The following CSMD1 variants were observed in gnomAD, a reference collection of about 807,000 sequenced individuals.
CSMD1 encodes the protein CUB and sushi domain-containing protein 1.
In CSMD1, 213 loss-of-function variants were observed where a neutral mutation model predicts 417.5. The observed-to-expected ratio is 0.51, with a 90% CI of 0.46 to 0.57. CSMD1 has a LOEUF of 0.57. CSMD1 is among the 20% of genes least tolerant of loss of function. The pLI is 0.00. For missense variants in CSMD1, 6,923 were observed against 4,529.7 expected (o/e 1.53, Z -15.17); for synonymous variants, 2,862 against 1,736.8 (o/e 1.65, Z -16.11).
chr8:4,082,998 T>A (rs1800222180), intron 3 of CSMD1, among the ~76,000 whole-genome samples: 1 of 152,136 alleles, frequency 6.6e-6, no homozygotes. Context: ...CCACATTTTC[T>A]TAATCCAGTC....
At chr8:4,167,083 T>G (rs1260593490) in intron 3 of CSMD1, among the ~76,000 whole-genome samples, 1 of 152,106 alleles carries the variant, frequency 6.6e-6, no homozygotes, top group Admixed American at 6.6e-5. Context: ...TTAGAATATC[T>G]GTAGATAAAT....
At chr8:4,306,897 G>C (rs11136724) in intron 3 of CSMD1, among the ~76,000 whole-genome samples, 2 of 151,776 alleles carry the variant, frequency 1.3e-5, no homozygotes, top group African/African-American at 4.8e-5. Flanking sequence ...CTTTCCTTAC[G>C]CTAAAAATAT....
intron 25 of CSMD1, among the ~76,000 whole-genome samples, chr8:3,289,121 C>A (rs950988456): frequency 2.0e-5 from 3 of 147,342 alleles, no homozygotes; most frequent in African/African-American, 8.1e-5. Context: ...ATGATGGTTT[C>A]CAGCTTCATC....
chr8:4,036,587 T>G (rs572609016), intron 3 of CSMD1, among the ~76,000 whole-genome samples: 1 of 152,312 alleles, frequency 6.6e-6, no homozygotes, highest in African/African-American at 2.4e-5. Flanking sequence ...AAAGGTATTT[T>G]TAATAGGGAA....
chr8:4,761,867 C>CTATCTATA (rs1563318944), intron 1 of CSMD1, among the ~76,000 whole-genome samples: 1 of 87,772 alleles, frequency 1.1e-5, no homozygotes, highest in African/African-American at 4.1e-5. Context: ...ATCTATCTAT[C>CTATCTATA]TATCTATCTA....
intron 3 of CSMD1, among the ~76,000 whole-genome samples, chr8:4,280,563 T>A (rs1796725635): frequency 6.6e-6 from 1 of 152,210 alleles, no homozygotes; most frequent in Admixed American, 6.5e-5. Flanking sequence ...CTGTTAGAAC[T>A]TGAGACTGCA....
chr8:3,576,442 A>G (rs1378244447), intron 9 of CSMD1, among the ~76,000 whole-genome samples: 1 of 152,106 alleles, frequency 6.6e-6, no homozygotes, highest in Non-Finnish European at 1.5e-5. Flanking sequence ...CCTCCTCAGC[A>G]CTGTGTACCA....
At chr8:4,193,137 A>G (rs1001281430) in intron 3 of CSMD1, among the ~76,000 whole-genome samples, 1 of 152,218 alleles carries the variant, frequency 6.6e-6, no homozygotes, top group South Asian at 2.1e-4. Flanking sequence ...CAGGAAAGAC[A>G]TCTGTAAAAG....
intron 1 of CSMD1, among the ~76,000 whole-genome samples, chr8:4,795,671 A>C (rs1398059927): frequency 1.3e-5 from 2 of 152,130 alleles, no homozygotes; most frequent in African/African-American, 4.8e-5. Context: ...CAATATGGAA[A>C]ATAATTATCT....
chr8:3,109,894 C>T (rs1423045479), intron 43 of CSMD1, among the ~76,000 whole-genome samples: 3 of 151,618 alleles, frequency 2.0e-5, no homozygotes, highest in Non-Finnish European at 4.4e-5. Flanking sequence ...CCAACCCAAC[C>T]CACACCCACA....
At chr8:4,937,452 C>A (rs919716299) in intron 1 of CSMD1, among the ~76,000 whole-genome samples, 1 of 151,956 alleles carries the variant, frequency 6.6e-6, no homozygotes, top group Non-Finnish European at 1.5e-5. Flanking sequence ...ATGAGTAATA[C>A]TAAGGCAAGG....
intron 1 of CSMD1, among the ~76,000 whole-genome samples, chr8:4,920,350 C>T (rs1462908642): frequency 6.6e-6 from 1 of 152,044 alleles, no homozygotes; most frequent in Non-Finnish European, 1.5e-5. Context: ...ATATTAATAA[C>T]AAAGTATTTA....
intron 2 of CSMD1, among the ~76,000 whole-genome samples, chr8:4,572,073 T>C (rs1028871074): frequency 2.0e-5 from 3 of 152,244 alleles, no homozygotes; most frequent in Non-Finnish European, 4.4e-5. Context: ...TTTATTCAAT[T>C]TTCCAGTCTG....
At chr8:4,253,422 C>T (rs1803223128) in intron 3 of CSMD1, among the ~76,000 whole-genome samples, 1 of 151,994 alleles carries the variant, frequency 6.6e-6, no homozygotes, top group Non-Finnish European at 1.5e-5. Flanking sequence ...TTTTTTCCCA[C>T]ACCAGAACAT....
chr8:3,360,466 GC>G (rs1352274659), intron 20 of CSMD1, among the ~76,000 whole-genome samples: 1 of 152,172 alleles, frequency 6.6e-6, no homozygotes, highest in African/African-American at 2.4e-5. Flanking sequence ...GTGGGTAAGT[GC>G]CTATTTGTTT....
At chr8:4,403,444 A>T (rs1226279361) in intron 3 of CSMD1, among the ~76,000 whole-genome samples, 2 of 152,228 alleles carry the variant, frequency 1.3e-5, no homozygotes, top group Non-Finnish European at 2.9e-5. Flanking sequence ...ATTCGACTCA[A>T]AATGTCCTTA....
At chr8:4,312,653 G>C (rs1047327490) in intron 3 of CSMD1, among the ~76,000 whole-genome samples, 2 of 151,724 alleles carry the variant, frequency 1.3e-5, no homozygotes, top group South Asian at 4.2e-4. Flanking sequence ...GAGGTGAGTG[G>C]ATCACCTGAG....
chr8:3,455,592 G>T (rs536788779), intron 12 of CSMD1, among the ~76,000 whole-genome samples: 3 of 152,332 alleles, frequency 2.0e-5, no homozygotes, highest in South Asian at 2.1e-4. Flanking sequence ...GACCTTGTGT[G>T]CCTGGGTATC....
chr8:4,261,642 T>C (rs1020147287), intron 3 of CSMD1, among the ~76,000 whole-genome samples: 1 of 152,144 alleles, frequency 6.6e-6, no homozygotes, highest in Non-Finnish European at 1.5e-5. Context: ...ACTCCTAGGC[T>C]CAGGCAATCC....
Sources: gnomAD v4.1 joint callset for allele counts (sites outside exome capture counted in the v4.1 genomes callset) on GRCh38, gnomAD v4.1.1 for gene constraint, MANE v1.5 for transcripts, NCBI Gene and HGNC (gene_info 2026-07-23, HGNC 2026-07-21) for gene names.